The following COLEC11 variants were observed in gnomAD, a reference collection of about 807,000 sequenced individuals.
COLEC11 encodes collectin subfamily member 11.
A neutral mutation model predicts 27.3 loss-of-function variants in COLEC11; 20 were observed. The observed-to-expected ratio is 0.73, with a 90% CI of 0.51 to 1.06. The LOEUF (loss-of-function observed/expected upper bound fraction) is 1.06. COLEC11 is among the 50% of genes least tolerant of loss of function. The pLI, the probability that COLEC11 is intolerant of heterozygous loss-of-function variation, is 0.00. For missense variants in COLEC11, 310 were observed against 383.0 expected (o/e 0.81, Z 1.59); for synonymous variants, 163 against 154.7 (o/e 1.05, Z -0.40).
At chr2:3,628,504 C>T (rs889961387) in intron 3 of COLEC11, among the ~76,000 whole-genome samples, 2 of 152,244 alleles carry the variant, frequency 1.3e-5, no homozygotes, top group Admixed American at 6.5e-5. Context: ...CCTCTGCTTC[C>T]GCAAAGTGCA....
At chr2:3,641,476 G>A (rs1028823163) in intron 5 of COLEC11, 2 of 1,221,396 alleles carry the variant, frequency 1.6e-6, no homozygotes, top group African/African-American at 3.1e-5. Flanking sequence ...CCATCCCGGG[G>A]CTGAGCTGCT....
intron 3 of COLEC11, among the ~76,000 whole-genome samples, chr2:3,616,352 G>A (rs1238788553): frequency 1.3e-5 from 2 of 151,466 alleles, no homozygotes; most frequent in Non-Finnish European, 1.5e-5. Flanking sequence ...CTTCCCAGAC[G>A]GGGTGGCGGC....
At chr2:3,642,610 C>T (rs1359837546) in intron 5 of COLEC11, among the ~76,000 whole-genome samples, 2 of 152,214 alleles carry the variant, frequency 1.3e-5, no homozygotes, top group Non-Finnish European at 1.5e-5. Context: ...TCCTCTCTAG[C>T]GGCCTCACGT....
chr2:3,605,875 T>C (rs1036028767), intron 2 of COLEC11: 4 of 508,818 alleles, frequency 7.9e-6, no homozygotes, highest in Admixed American at 6.7e-5. Context: ...TGTGCAGCTC[T>C]GGCTGGGGGC....
In COLEC11 at chr2:3,613,198, G is replaced by A. The variant is rs1663364827; in HGVS notation, c.131-113G>A. ...AGGGAGGTAGGGAGAGAAGGGGCTTGGCCACCTGCAGGGACCCGGGGAGAA... is the reference window on the plus strand; with the variant it reads ...AGGGAGGTAGGGAGAGAAGGGGCTTAGCCACCTGCAGGGACCCGGGGAGAA... On this transcript the variant is annotated intron_variant, in intron 2 of 6. Coordinates refer to ENST00000349077, the MANE Select transcript of COLEC11 (RefSeq NM_024027.5). The A allele has an allele frequency of 2.6e-6, 3 of 1,153,592 alleles. No homozygotes were observed. In the South Asian group the frequency reaches 3.9e-5, roughly 15 times the overall value. The allele number at this position is 1,153,592 out of a possible 1,614,324, so 71.5% of individuals were successfully genotyped here.
At chr2:3,612,952 G>A (rs1472308709) in intron 2 of COLEC11, among the ~76,000 whole-genome samples, 1 of 145,224 alleles carries the variant, frequency 6.9e-6, no homozygotes, top group Admixed American at 6.7e-5. Context: ...CCATGGGGGC[G>A]CCTGGAGACG....
At chr2:3,607,067 C>T (rs1056717949) in intron 2 of COLEC11, among the ~76,000 whole-genome samples, 3 of 152,152 alleles carry the variant, frequency 2.0e-5, no homozygotes, top group African/African-American at 2.4e-5. Flanking sequence ...ACACAGCACG[C>T]GCCGCCCCCC....
chr2:3,637,424 C>T lies in COLEC11; in HGVS notation c.203-109C>T, dbSNP rs1020476817. The T allele has an allele frequency of 1.1e-5, 9 of 797,756 alleles. No individual in the cohort carries two copies. The African/African-American group carries it at 1.3e-4, about 12-fold the overall frequency. The allele number at this position is 797,756 out of a possible 1,614,324, so 49.4% of individuals were successfully genotyped here. On this transcript the variant is annotated intron_variant, in intron 3 of 6. Transcript: ENST00000349077. The stretch of plus-strand genomic sequence containing the variant: ...TGTCTTTCTTAGTCTCTTCTATGTG[C>T]CTGTGATGTAGGAAGGAGGGCGGTC...
In COLEC11 at chr2:3,644,305, G is replaced by A. The variant is rs1666112017; in HGVS notation, c.*187G>A. The A allele has an allele frequency of 2.6e-6, 2 of 756,368 alleles. No homozygotes were observed. Among genetic ancestry groups the A allele is most frequent in the Non-Finnish European group, 4.6e-6 (2 of 437,224 alleles). The allele number at this position is 756,368 out of a possible 1,614,324, so 46.9% of individuals were successfully genotyped here. ...TAAGAGGAAAATGAAAGTGTTCCTG[G>A]GGTGCTGTCTCTGAAGAAGCAGAGT... On this transcript the variant is annotated 3_prime_UTR_variant, in exon 7 of 7. Transcript: ENST00000349077.
At chr2:3,614,317 A>G (rs1663488651) in intron 3 of COLEC11, among the ~76,000 whole-genome samples, 1 of 152,092 alleles carries the variant, frequency 6.6e-6, no homozygotes, top group African/African-American at 2.4e-5. Flanking sequence ...CAACCCCCCA[A>G]CCAATCTTTT....
chr2:3,620,301 G>A (rs1664089800), intron 3 of COLEC11, among the ~76,000 whole-genome samples: 1 of 151,710 alleles, frequency 6.6e-6, no homozygotes, highest in African/African-American at 2.4e-5. Flanking sequence ...ATGTTTCTAG[G>A]AATTTATCCA....
chr2:3,619,490 G>A (rs567798773), intron 3 of COLEC11, among the ~76,000 whole-genome samples: 4 of 152,276 alleles, frequency 2.6e-5, no homozygotes, highest in Non-Finnish European at 5.9e-5. Flanking sequence ...ACAACACTGA[G>A]TTTTGTCAAA....
chr2:3,605,646 C>G, intron 2 of COLEC11: 1 of 192,728 alleles, frequency 5.2e-6, no homozygotes, highest in Non-Finnish European at 1.1e-5. Flanking sequence ...GAATCCGGTC[C>G]GCCCCCTCCT....
At chr2:3,625,419 C>CG (rs1018873348) in intron 3 of COLEC11, among the ~76,000 whole-genome samples, 1 of 151,596 alleles carries the variant, frequency 6.6e-6, no homozygotes, top group Non-Finnish European at 1.5e-5. Flanking sequence ...CAGCCCAGGG[C>CG]GGGGGTTAGG....
chr2:3,615,200 A>C (rs1161570178), intron 3 of COLEC11, among the ~76,000 whole-genome samples: 6 of 151,940 alleles, frequency 3.9e-5, no homozygotes, highest in Non-Finnish European at 8.8e-5. Flanking sequence ...GGGATTTGGC[A>C]GGGTCATAGG....
At chr2:3,643,562 C>T (rs531434066) in intron 6 of COLEC11, 23 bp downstream of exon 6, 22 of 1,607,518 alleles carry the variant, frequency 1.4e-5, no homozygotes, top group Non-Finnish European at 1.9e-5. Flanking sequence ...CGGCGCCGCC[C>T]TCGCTCCCTC....
chr2:3,637,755 C>A, intron 4 of COLEC11, 151 bp downstream of exon 4: 1 of 759,066 alleles, frequency 1.3e-6, no homozygotes, highest in Non-Finnish European at 2.3e-6. Context: ...GCAGTACTTC[C>A]ATTTTTGGGG....
chr2:3,628,872 C>T (rs1171948100), intron 3 of COLEC11, among the ~76,000 whole-genome samples: 1 of 152,228 alleles, frequency 6.6e-6, no homozygotes, highest in Non-Finnish European at 1.5e-5. Flanking sequence ...CAGCACTGCT[C>T]ACAATGGTGA....
At chr2:3,634,529 C>G (rs181507971) in intron 3 of COLEC11, among the ~76,000 whole-genome samples, 1 of 152,154 alleles carries the variant, frequency 6.6e-6, no homozygotes, top group Non-Finnish European at 1.5e-5. Context: ...TCCCTTGCAG[C>G]GAGTTTTGGG....
Sources: allele counts gnomAD v4.1 joint callset (sites outside exome capture counted in the v4.1 genomes callset), GRCh38; gene constraint gnomAD v4.1.1; transcripts MANE v1.5; gene names NCBI Gene and HGNC (gene_info 2026-07-23, HGNC 2026-07-21).